Variants in LPCAT3 observed in about 807,000 individuals in gnomAD.
LPCAT3 encodes lysophosphatidylcholine acyltransferase 3.
Under a neutral mutation model 63.4 loss-of-function variants are expected in LPCAT3, and 21 were observed. The ratio of observed to expected loss-of-function variants is 0.33; its 90% CI spans 0.23 to 0.48. The LOEUF (loss-of-function observed/expected upper bound fraction) is 0.48, where lower values mean the gene tolerates loss of function less well. Ranked by LOEUF, LPCAT3 falls within the 20% of genes least tolerant of loss-of-function variation. The probability of loss-of-function intolerance (pLI) is 0.99; values close to 1 mark genes in which losing one functional copy is unlikely to be tolerated. For synonymous variants in LPCAT3, 242 were observed against 227.5 expected, an observed-to-expected ratio of 1.06 and a Z score of -0.58; for missense variants, 451 against 590.6, an observed-to-expected ratio of 0.76 and a Z score of 2.45.
chr12:7,016,013 G>GC (rs782559600), intron 1 of LPCAT3, among the ~76,000 whole-genome samples: 9 of 152,218 alleles, frequency 5.9e-5, no homozygotes, highest in Middle Eastern at 3.4e-3. Flanking sequence ...TTAACAGATT[G>GC]CCCCTTATAA....
At chr12:7,014,239 C>T (rs1345782160) in intron 1 of LPCAT3, among the ~76,000 whole-genome samples, 2 of 152,316 alleles carry the variant, frequency 1.3e-5, no homozygotes, top group Non-Finnish European at 1.5e-5. Context: ...CCTTTGAGTG[C>T]AGGGCTCCTG....
At position 6,995,121 on chromosome 12, in the gene LPCAT3, C is replaced by CT. The variant is rs34836555; in HGVS notation, c.152-11583dup. Among the ~76,000 whole-genome samples, 62 of 145,050 alleles carry CT rather than the reference C, an allele frequency of 4.3e-4. No homozygotes were observed. The East Asian group carries it at 6.6e-3, about 15-fold the overall frequency. On this transcript the variant is annotated intron_variant, in intron 1 of 12. Coordinates refer to ENST00000261407, the MANE Select transcript of LPCAT3 (RefSeq NM_005768.6). Reference sequence around the variant, plus strand: ...TCTCCCTAAATCAGCCTTCTCTGGGCTTTTTTTTTTTTTTTAAATTAACAG... The same window carrying CT: ...TCTCCCTAAATCAGCCTTCTCTGGGCTTTTTTTTTTTTTTTTAAATTAACAG...
chr12:6,989,964 G>A (rs1448783748), intron 1 of LPCAT3, among the ~76,000 whole-genome samples: 5 of 151,792 alleles, frequency 3.3e-5, no homozygotes, highest in Non-Finnish European at 7.4e-5. Context: ...CTGGAACCCA[G>A]GAGTTTGAGA....
At chr12:7,004,619 A>G (rs1449203621) in intron 1 of LPCAT3, among the ~76,000 whole-genome samples, 2 of 152,228 alleles carry the variant, frequency 1.3e-5, no homozygotes, top group African/African-American at 4.8e-5. Context: ...GATGACTACA[A>G]ATCCCATACA....
intron 1 of LPCAT3, among the ~76,000 whole-genome samples, chr12:7,008,939 G>A (rs1946744859): frequency 6.6e-6 from 1 of 152,160 alleles, no homozygotes; most frequent in African/African-American, 2.4e-5. Flanking sequence ...TCTGGAGTCA[G>A]GCAGAACTGA....
chr12:6,979,578 T>A lies in LPCAT3; in HGVS notation c.679A>T (p.Ile227Phe). The change falls in exon 7 of 13, where the codon ATC becomes TTC. Residue 227 changes from isoleucine to phenylalanine, a missense_variant and splice_region_variant. Coordinates refer to ENST00000261407, the MANE Select transcript of LPCAT3 (RefSeq NM_005768.6). ...CTCAGGCGCTTGAGAGCAGGAATGA[T>A]GCTGGAAAGGAACGAGTGAAGTTCC... ...IDIPGKIPNS[I>F]IPALKRLSLG... The A allele has an allele frequency of 2.5e-6, 4 of 1,608,098 alleles. No individual in the cohort carries two copies. Among genetic ancestry groups the A allele is most frequent in the Non-Finnish European group, 3.4e-6 (4 of 1,174,488 alleles).
At chr12:7,013,409 A>G (rs1266820102) in intron 1 of LPCAT3, among the ~76,000 whole-genome samples, 2 of 152,148 alleles carry the variant, frequency 1.3e-5, no homozygotes, top group African/African-American at 2.4e-5. Flanking sequence ...CTGCTTTTGG[A>G]GAGTGGACTG....
chr12:6,985,247 T>C lies in LPCAT3; in HGVS notation c.152-1708A>G, dbSNP rs369453249. The stretch of plus-strand genomic sequence containing the variant: ...TCTACTAAAAATACAAAAAAAAAAA[T>C]TAGCCGGGTGTGGTGGCGGGCGCCT... On this transcript the variant is annotated intron_variant, in intron 1 of 12. Transcript: ENST00000261407. Among the ~76,000 whole-genome samples, 150 of 150,542 alleles carry C rather than the reference T, an allele frequency of 1.0e-3. 2 individuals are homozygous for C. The East Asian group carries it at 0.019, about 19-fold the overall frequency.
In LPCAT3 at chr12:6,977,925, A is replaced by C; in HGVS notation, c.1041-180T>G. On this transcript the variant is annotated intron_variant, in intron 9 of 12. Transcript: ENST00000261407. This position sits in a 1 kb window ranked among gnomAD's most constrained non-coding sequence, Gnocchi z 4.5. The stretch of plus-strand genomic sequence containing the variant: ...CTTTTAGAGATGGAAAGCAGACCCA[A>C]GGCGGAGCTGGAGACCGTGTGCGCA... 1.4e-6 allele frequency: 1 copy of C among 694,390 alleles called. No individual in the cohort carries two copies. Among genetic ancestry groups the C allele is most frequent in the Non-Finnish European group, 2.4e-6 (1 of 422,044 alleles). 43.0% of individuals were successfully genotyped at this position (694,390 alleles called of 1,614,324 possible). A position where few individuals can be genotyped will look rare whatever the true frequency, so the allele number is the denominator to read the frequency against.
intron 1 of LPCAT3, among the ~76,000 whole-genome samples, chr12:7,000,313 C>T (rs1371390101): frequency 9.9e-5 from 15 of 151,482 alleles, no homozygotes; most frequent in Non-Finnish European, 2.1e-4. Context: ...AATATTTGGC[C>T]GGGCGCGGTG....
At chr12:6,979,803 G>A (rs898120139) in intron 6 of LPCAT3, 34 of 566,512 alleles carry the variant, frequency 6.0e-5, no homozygotes, top group Non-Finnish European at 9.8e-5. Context: ...GGAAAGTCAG[G>A]GCAGCAGACA....
chr12:6,979,312 T>A, intron 7 of LPCAT3, 159 bp downstream of exon 7: 1 of 634,376 alleles, frequency 1.6e-6, no homozygotes, highest in Non-Finnish European at 2.8e-6. Flanking sequence ...GATGAACATG[T>A]CCCAGCACGG....
Position 7,018,235 on chromosome 12 carries a change from G to C in LPCAT3, c.151+39C>G, listed in dbSNP as rs781844095. 6.4e-7 allele frequency: 1 copy of C among 1,568,940 alleles called. No homozygotes were observed. Among genetic ancestry groups the C allele is most frequent in the Non-Finnish European group, 8.6e-7 (1 of 1,156,296 alleles). On this transcript the variant is annotated intron_variant, in intron 1 of 12. Transcript: ENST00000261407. The surrounding 1 kb of genome is among the most constrained non-coding windows in gnomAD (Gnocchi z 4.9). ...CCCCATTCCTCCCCTACTCCCCGGG[G>C]ACTCCGCGAGGGGCGGAGGGAGGCA... is the stretch of plus-strand genomic sequence containing the variant.
chr12:6,994,841 C>G (rs1332596141), intron 1 of LPCAT3, among the ~76,000 whole-genome samples: 2 of 152,148 alleles, frequency 1.3e-5, no homozygotes, highest in East Asian at 3.9e-4. Context: ...TTTCTTTCAC[C>G]GAAGGCATTT....
chr12:7,012,116 A>G (rs999321032), intron 1 of LPCAT3, among the ~76,000 whole-genome samples: 2 of 152,152 alleles, frequency 1.3e-5, no homozygotes, highest in Non-Finnish European at 2.9e-5. Context: ...CCCAGCTGCA[A>G]TTTTTGATCA....
intron 1 of LPCAT3, among the ~76,000 whole-genome samples, chr12:6,985,773 T>G (rs1668559575): frequency 6.7e-6 from 1 of 148,652 alleles, no homozygotes; most frequent in South Asian, 2.1e-4. Flanking sequence ...CAACTGGTGT[T>G]TTTTTTTTTT....
rs1378074609 is a variant in LPCAT3, at chr12:6,976,746, C to G, written c.*158G>C. 6.2e-6 allele frequency: 1 copy of G among 162,340 alleles called. No homozygotes were observed. The highest frequency in any genetic ancestry group is 1.4e-5 in the Non-Finnish European group (1 of 74,054). The allele number at this position is 162,340 out of a possible 1,614,324, so 10.1% of individuals were successfully genotyped here. ...TCCAAAAAAAAGTTTCCCCTTTGGC[C>G]CCAAATGAAGACTTGGCTGGCAGCA... On this transcript the variant is annotated 3_prime_UTR_variant, in exon 13 of 13. Transcript: ENST00000261407.
At position 7,001,142 on chromosome 12, in the gene LPCAT3, A is replaced by G. The variant is rs115692140; in HGVS notation, c.151+17132T>C. 9.4e-3 allele frequency among the ~76,000 whole-genome samples: 1,434 copies of G among 152,186 alleles called. 18 individuals carry two copies. The highest frequency in any genetic ancestry group is 0.033 in the African/African-American group (1,360 of 41,508). ...ACTAAATTAAATCTATAGAAAGTAA[A>G]AAATAAAGGTCTGTGAATGTACCCA... On this transcript the variant is annotated intron_variant, in intron 1 of 12. Transcript: ENST00000261407.
intron 1 of LPCAT3, among the ~76,000 whole-genome samples, chr12:7,013,696 G>A (rs782342294): frequency 6.6e-6 from 1 of 152,290 alleles, no homozygotes; most frequent in East Asian, 1.9e-4. Flanking sequence ...TCTCACAGGA[G>A]ATGCCCACTT....
Sources: allele counts gnomAD v4.1 joint callset (sites outside exome capture counted in the v4.1 genomes callset), GRCh38; gene constraint gnomAD v4.1.1; non-coding constraint Gnocchi (gnomAD v3.1); transcripts MANE v1.5; gene names NCBI Gene and HGNC (gene_info 2026-07-23, HGNC 2026-07-21).